IL1RAPL2: variants seen among roughly 807,000 people sequenced by gnomAD.
IL1RAPL2 encodes interleukin 1 receptor accessory protein like 2, also known as X-linked interleukin-1 receptor accessory protein-like 2.
IL1RAPL2 carries 3 observed loss-of-function variants against 44.1 expected under a neutral mutation model. That is an observed-to-expected ratio of 0.07 (90% CI 0.03 to 0.18). The LOEUF is 0.18. IL1RAPL2 is among the 10% of genes least tolerant of loss of function. The pLI, the probability that IL1RAPL2 is intolerant of heterozygous loss-of-function variation, is 1.00. For missense variants in IL1RAPL2, 391 were observed against 496.4 expected (o/e 0.79, Z 2.02); for synonymous variants, 181 against 178.8 (o/e 1.01, Z -0.10).
chrX:105,361,997 T>G (rs2147711924), intron 5 of IL1RAPL2, among the ~76,000 whole-genome samples: 1 of 111,756 alleles, frequency 8.9e-6, no homozygotes, highest in Admixed American at 9.5e-5. Context: ...ACTTTGAACA[T>G]TTCAGGCCTT....
intron 2 of IL1RAPL2, among the ~76,000 whole-genome samples, chrX:105,010,374 T>C (rs1602887546): frequency 1.8e-5 from 2 of 111,603 alleles, no homozygotes; most frequent in South Asian, 3.7e-4. Context: ...CAGACGATAA[T>C]TTTTTTACAG....
Position 105,366,877 on chromosome X carries a change from C to T in IL1RAPL2, c.697+99336C>T, listed in dbSNP as rs1009756549. On this transcript the variant is annotated intron_variant, in intron 5 of 10. Coordinates refer to ENST00000372582, the MANE Select transcript of IL1RAPL2 (RefSeq NM_017416.2). ...TTTTTGTCTAAAGTCTAGTTCAAAT[C>T]CAATGTTTTCTTATTGATTATCTGT... Among the ~76,000 whole-genome samples the T allele has an allele frequency of 1.3e-4, 14 of 111,478 alleles. No individual in the cohort carries two copies. In the Admixed American group the frequency reaches 1.3e-3, roughly 11 times the overall value.
At chrX:104,941,030 A>C (rs1426829075) in intron 2 of IL1RAPL2, among the ~76,000 whole-genome samples, 1 of 109,718 alleles carries the variant, frequency 9.1e-6, no homozygotes, top group African/African-American at 3.3e-5. Context: ...AAGGACATGA[A>C]CTTATCCTTT....
chrX:105,336,759 A>G (rs902313344), intron 5 of IL1RAPL2, among the ~76,000 whole-genome samples: 1 of 112,070 alleles, frequency 8.9e-6, no homozygotes, highest in African/African-American at 3.2e-5. Context: ...TACCTTCTTC[A>G]TGATCCAAGT....
Position 105,267,382 on chromosome X carries a change from C to T in IL1RAPL2, c.544-6C>T. 1 of 1,190,945 alleles carries T rather than the reference C, an allele frequency of 8.4e-7. No individual in the cohort carries two copies. The highest frequency in any genetic ancestry group is 1.1e-6 in the Non-Finnish European group (1 of 885,795). ...TTTTGCTTACTTGCAAATATTTTAT[C>T]TGCAGGAATGCAAGCCAAAAATGTG... is the stretch of plus-strand genomic sequence containing the variant. On this transcript the variant is annotated splice_region_variant and splice_polypyrimidine_tract_variant and intron_variant, in intron 4 of 10. Coordinates refer to ENST00000372582, the MANE Select transcript of IL1RAPL2 (RefSeq NM_017416.2).
intron 2 of IL1RAPL2, among the ~76,000 whole-genome samples, chrX:104,985,748 C>T (rs1381261489): frequency 8.9e-6 from 1 of 111,795 alleles, no homozygotes; most frequent in Non-Finnish European, 1.9e-5. Context: ...ACATTTTTCC[C>T]CTTAAAAAAC....
At chrX:104,642,679 G>T (rs755292961) in intron 1 of IL1RAPL2, among the ~76,000 whole-genome samples, 1 of 110,826 alleles carries the variant, frequency 9.0e-6, no homozygotes, top group Admixed American at 9.6e-5. Flanking sequence ...TAGAGACAGG[G>T]TTTCACTATG....
At chrX:105,766,863 T>C (rs748787961) in intron 10 of IL1RAPL2, 101 bp from the exon 11 acceptor site, 7 of 533,125 alleles carry the variant, frequency 1.3e-5, no homozygotes, top group Non-Finnish European at 2.2e-5. Context: ...TGATGGACTT[T>C]AGTGAGAGAC....
At chrX:105,677,265 G>A (rs1482611319) in intron 6 of IL1RAPL2, among the ~76,000 whole-genome samples, 1 of 112,039 alleles carries the variant, frequency 8.9e-6, no homozygotes, top group East Asian at 2.8e-4. Context: ...AGTTCTAACA[G>A]TTGCTGAGAA....
intron 1 of IL1RAPL2, among the ~76,000 whole-genome samples, chrX:104,585,320 TTATA>T (rs1342781315): frequency 4.9e-5 from 1 of 20,494 alleles, no homozygotes; most frequent in Admixed American, 9.3e-4. Context: ...ATAATATATA[TTATA>T]TATAATATAT....
At chrX:105,188,015 CAAAA>C (rs1310941320) in intron 2 of IL1RAPL2, among the ~76,000 whole-genome samples, 1 of 110,313 alleles carries the variant, frequency 9.1e-6, no homozygotes, top group Non-Finnish European at 1.9e-5. Flanking sequence ...TTAATAAAGA[CAAAA>C]AAAGAATATT....
At chrX:105,250,647 C>A (rs976913530) in intron 4 of IL1RAPL2, among the ~76,000 whole-genome samples, 1 of 110,217 alleles carries the variant, frequency 9.1e-6, no homozygotes, top group African/African-American at 3.3e-5. Flanking sequence ...TGGGAAGATA[C>A]CAAAGAATAA....
intron 2 of IL1RAPL2, among the ~76,000 whole-genome samples, chrX:104,890,128 C>A (rs1244111216): frequency 8.9e-6 from 1 of 111,819 alleles, no homozygotes; most frequent in African/African-American, 3.3e-5. Flanking sequence ...AGGACATGAA[C>A]TCATCTTTTT....
intron 2 of IL1RAPL2, among the ~76,000 whole-genome samples, chrX:104,987,452 G>A (rs1440244946): frequency 1.8e-5 from 2 of 108,989 alleles, no homozygotes; most frequent in Non-Finnish European, 3.8e-5. Context: ...AAAAAGACAA[G>A]GAACATTTAG....
intron 2 of IL1RAPL2, among the ~76,000 whole-genome samples, chrX:105,032,502 G>C (rs1003573598): frequency 9.0e-6 from 1 of 111,534 alleles, no homozygotes; most frequent in Non-Finnish European, 1.9e-5. Context: ...TCATTCCGGA[G>C]CAGGTTGTTC....
At chrX:105,239,471 T>C (rs1212318582) in intron 4 of IL1RAPL2, among the ~76,000 whole-genome samples, 1 of 111,304 alleles carries the variant, frequency 9.0e-6, no homozygotes, top group African/African-American at 3.3e-5. Flanking sequence ...TGAACCAACA[T>C]TCTGTTTCTG....
At chrX:104,921,547 G>T (rs1924641024) in intron 2 of IL1RAPL2, among the ~76,000 whole-genome samples, 1 of 112,344 alleles carries the variant, frequency 8.9e-6, no homozygotes, top group Non-Finnish European at 1.9e-5. Context: ...ACCTTGAGGG[G>T]CCAGTGAACA....
intron 6 of IL1RAPL2, among the ~76,000 whole-genome samples, chrX:105,596,850 G>A (rs1602482852): frequency 1.8e-5 from 2 of 111,671 alleles, no homozygotes; most frequent in African/African-American, 3.3e-5. Context: ...AGTAAGTCCT[G>A]AGATTATAAA....
At chrX:105,147,356 C>T (rs1433170235) in intron 2 of IL1RAPL2, among the ~76,000 whole-genome samples, 1 of 111,150 alleles carries the variant, frequency 9.0e-6, no homozygotes, top group Non-Finnish European at 1.9e-5. Context: ...CCTTTATTTC[C>T]ATGCATGAGG....
Sources: allele counts gnomAD v4.1 joint callset (sites outside exome capture counted in the v4.1 genomes callset), GRCh38; gene constraint gnomAD v4.1.1; transcripts MANE v1.5; gene names NCBI Gene and HGNC (gene_info 2026-07-23, HGNC 2026-07-21).